BCL2L1: variants seen among roughly 807,000 people sequenced by gnomAD.
BCL2L1 encodes the protein bcl-2-like protein 1.
A neutral mutation model predicts 18.7 loss-of-function variants in BCL2L1; 1 was observed. The ratio of observed to expected loss-of-function variants is 0.05; its 90% CI spans 0.02 to 0.25. The LOEUF (loss-of-function observed/expected upper bound fraction) is 0.25, where lower values mean the gene tolerates loss of function less well. Ranked by LOEUF, BCL2L1 falls within the 10% of genes least tolerant of loss-of-function variation. The pLI is 1.00. For missense variants in BCL2L1, 207 were observed against 304.9 expected (o/e 0.68, Z 2.39); for synonymous variants, 103 against 122.7 (o/e 0.84, Z 1.06).
chr20:31,667,029 C>G (rs931000772), intron 2 of BCL2L1, among the ~76,000 whole-genome samples: 1 of 152,208 alleles, frequency 6.6e-6, no homozygotes, highest in East Asian at 1.9e-4. Context: ...TTCTGCAATG[C>G]AGGCTGTCTC....
intron 2 of BCL2L1, among the ~76,000 whole-genome samples, chr20:31,718,173 G>C (rs1214337954): frequency 1.3e-5 from 2 of 152,190 alleles, no homozygotes; most frequent in South Asian, 2.1e-4. Flanking sequence ...AGATGGACAA[G>C]ACAGCCGAAC....
intron 2 of BCL2L1, among the ~76,000 whole-genome samples, chr20:31,707,278 T>G (rs2061381942): frequency 1.3e-5 from 2 of 152,200 alleles, no homozygotes; most frequent in South Asian, 4.1e-4. Context: ...GGTCCAAAGA[T>G]ATCCACATAT....
At chr20:31,697,892 G>GTTTTTTTTTTTTTTTTTTGTTTGTTT (rs199575410) in intron 2 of BCL2L1, among the ~76,000 whole-genome samples, 15 of 129,644 alleles carry the variant, frequency 1.2e-4, no homozygotes, top group African/African-American at 4.3e-4. Context: ...TGCTGTTGCT[G>GTTTTTTTTTTTTTTTTTTGTTTGTTT]TTTTTTTTTT....
At chr20:31,669,572 C>T (rs1326208936) in intron 2 of BCL2L1, among the ~76,000 whole-genome samples, 6 of 151,750 alleles carry the variant, frequency 4.0e-5, no homozygotes, top group African/African-American at 1.5e-4. Flanking sequence ...CCTGCCTCAG[C>T]CCCCCGAGTA....
intron 2 of BCL2L1, among the ~76,000 whole-genome samples, chr20:31,694,266 G>A (rs547262004): frequency 1.3e-5 from 2 of 150,842 alleles, no homozygotes; most frequent in African/African-American, 4.8e-5. Flanking sequence ...CCTCCATCTG[G>A]TAAGGAAGTT....
chr20:31,718,001 A>T (rs2122834708), intron 2 of BCL2L1, among the ~76,000 whole-genome samples: 1 of 152,320 alleles, frequency 6.6e-6, no homozygotes, highest in East Asian at 1.9e-4. Flanking sequence ...CTCAAGGAGA[A>T]ACTCTAGGGG....
intron 2 of BCL2L1, among the ~76,000 whole-genome samples, chr20:31,677,316 G>C (rs972674657): frequency 1.3e-5 from 2 of 151,690 alleles, no homozygotes; most frequent in Non-Finnish European, 2.9e-5. Flanking sequence ...CAAGTAATTG[G>C]GACTACAGGC....
chr20:31,722,076 G>T lies in BCL2L1; in HGVS notation c.143C>A (p.Pro48His). ...PEGTESEMET[P>H]SAINGNPSWH... ...GGATGGGTTGCCATTGATGGCACTG[G>T]GGGTCTCCATCTCCGATTCAGTCCC... The change falls in exon 2 of 3, where the codon CCC becomes CAC. Residue 48 changes from proline (P) to histidine (H), a missense_variant. Pro to His is a moderately conservative substitution (Grantham distance 77, BLOSUM62 -2). Transcript: ENST00000307677. The T allele has an allele frequency of 1.3e-6, 2 of 1,596,786 alleles. No individual in the cohort carries two copies. Among genetic ancestry groups the T allele is most frequent in the South Asian group, 2.3e-5 (2 of 87,866 alleles).
upstream of BCL2L1, chr20:31,723,575 C>T (rs549718950): frequency 2.4e-5 from 24 of 984,668 alleles, no homozygotes; most frequent in African/African-American, 3.3e-4. Context: ...ACCGCCCTCC[C>T]CCGGGGGCGC....
At chr20:31,713,267 G>A in intron 2 of BCL2L1, 1 of 985,110 alleles carries the variant, frequency 1.0e-6, no homozygotes, top group African/African-American at 1.7e-5. Context: ...CAAGTAGAAA[G>A]GCATTTTCTA....
intron 2 of BCL2L1, among the ~76,000 whole-genome samples, chr20:31,668,664 G>T (rs1486569550): frequency 6.7e-6 from 1 of 149,558 alleles, no homozygotes; most frequent in Non-Finnish European, 1.5e-5. Flanking sequence ...GAGTACAATG[G>T]CGCGATCTCA....
chr20:31,685,355 G>A (rs552713642), intron 2 of BCL2L1, among the ~76,000 whole-genome samples: 44 of 151,314 alleles, frequency 2.9e-4, no homozygotes, highest in African/African-American at 1.0e-3. Flanking sequence ...AGCTGAGATC[G>A]TGCCACTGCA....
At chr20:31,723,953 G>C, upstream of BCL2L1, 1 of 985,470 alleles carries the variant, frequency 1.0e-6, no homozygotes, top group Middle Eastern at 5.2e-4. Flanking sequence ...AGTCACTTCC[G>C]GTGCCGCGGC....
At chr20:31,688,092 C>T (rs1177645494) in intron 2 of BCL2L1, among the ~76,000 whole-genome samples, 4 of 152,104 alleles carry the variant, frequency 2.6e-5, no homozygotes, top group Non-Finnish European at 5.9e-5. Flanking sequence ...AACAATTTCA[C>T]TTGATACATG....
chr20:31,680,051 TAAAC>T (rs1271454725), intron 2 of BCL2L1, among the ~76,000 whole-genome samples: 1 of 152,186 alleles, frequency 6.6e-6, no homozygotes, highest in Non-Finnish European at 1.5e-5. Context: ...TTTGTAGCTA[TAAAC>T]AAACAAAAAG....
At chr20:31,706,523 T>C (rs565404236) in intron 2 of BCL2L1, among the ~76,000 whole-genome samples, 2 of 152,370 alleles carry the variant, frequency 1.3e-5, no homozygotes, top group African/African-American at 2.4e-5. Flanking sequence ...CAGCAGTAGC[T>C]GTTAAGAGTG....
At chr20:31,692,986 G>A (rs919804090) in intron 2 of BCL2L1, among the ~76,000 whole-genome samples, 8 of 149,142 alleles carry the variant, frequency 5.4e-5, no homozygotes, top group East Asian at 2.0e-4. Flanking sequence ...CAGAAGAACC[G>A]CTTGAACCCA....
At position 31,694,528 on chromosome 20, in the gene BCL2L1, G is replaced by C. The variant is rs558418247; in HGVS notation, c.564+27127C>G. Reference sequence around the variant, plus strand: ...CCTCTTGGAGGGCGGGCTCCTTGAGGGGGTGGTGGAGGTGGAGTGTGACCT... The same window carrying C: ...CCTCTTGGAGGGCGGGCTCCTTGAGCGGGTGGTGGAGGTGGAGTGTGACCT... On this transcript the variant is annotated intron_variant, in intron 2 of 2. Transcript: ENST00000307677. Among the ~76,000 whole-genome samples the C allele has an allele frequency of 1.5e-3, 229 of 152,246 alleles. 2 individuals carry two copies. Among genetic ancestry groups the C allele is most frequent in the Non-Finnish European group, 1.4e-3 (97 of 68,022 alleles).
intron 2 of BCL2L1, among the ~76,000 whole-genome samples, chr20:31,684,486 C>T (rs2060922561): frequency 6.6e-6 from 1 of 152,158 alleles, no homozygotes; most frequent in East Asian, 1.9e-4. Flanking sequence ...AGGTGTAGGT[C>T]TGGGGACCCA....
Sources: gnomAD v4.1 joint callset for allele counts (sites outside exome capture counted in the v4.1 genomes callset) on GRCh38, gnomAD v4.1.1 for gene constraint, MANE v1.5 for transcripts, NCBI Gene and HGNC (gene_info 2026-07-23, HGNC 2026-07-21) for gene names.